Variants in PIWIL2 observed in about 807,000 individuals in gnomAD.
PIWIL2 encodes the protein piwi-like protein 2.
Under a neutral mutation model 116.5 loss-of-function variants are expected in PIWIL2, and 81 were observed. That is an observed-to-expected ratio of 0.70 (90% CI 0.58 to 0.84). The LOEUF is 0.84. PIWIL2 is among the 40% of genes least tolerant of loss of function. The pLI, the probability that PIWIL2 is intolerant of heterozygous loss-of-function variation, is 0.00. For missense variants in PIWIL2, 1,272 were observed against 1,212.3 expected, an observed-to-expected ratio of 1.05 and a Z score of -0.73; for synonymous variants, 489 against 429.5, an observed-to-expected ratio of 1.14 and a Z score of -1.71.
At chr8:22,318,016 C>T (rs1318856257) in intron 19 of PIWIL2, among the ~76,000 whole-genome samples, 154 bp from the exon 20 acceptor site, 1 of 152,170 alleles carries the variant, frequency 6.6e-6, no homozygotes, top group Non-Finnish European at 1.5e-5. Flanking sequence ...TTCTCCATGT[C>T]ACTGCTTGTT....
In PIWIL2 at chr8:22,311,288, G is replaced by T. The variant is rs763948106; in HGVS notation, c.1977G>T (p.Thr659=). Residue 659 remains threonine (T), a synonymous_variant, in exon 16 of 23, where the codon ACG becomes ACT. Coordinates refer to ENST00000356766, the MANE Select transcript of PIWIL2 (RefSeq NM_018068.5). Reference sequence around the variant, plus strand: ...CTTATGTCAGAACCATTCAATCCACGTTAGGAGCTGAGGTAAAAATGTAAT... The same window carrying T: ...CTTATGTCAGAACCATTCAATCCACTTTAGGAGCTGAGGTAAAAATGTAAT... ...IETYVRTIQS[T]LGAEGKIQMV... 1 of 1,603,900 alleles carries T rather than the reference G, an allele frequency of 6.2e-7. No individual in the cohort carries two copies. Among genetic ancestry groups the T allele is most frequent in the Non-Finnish European group, 8.5e-7 (1 of 1,176,314 alleles).
chr8:22,295,116 T>C (rs531214033), intron 10 of PIWIL2, among the ~76,000 whole-genome samples: 2 of 152,026 alleles, frequency 1.3e-5, no homozygotes, highest in African/African-American at 2.4e-5. Flanking sequence ...TCCACAGTTA[T>C]CTTGGATTTT....
intron 20 of PIWIL2, among the ~76,000 whole-genome samples, chr8:22,341,977 TAAAAA>T (rs530423710): frequency 3.3e-5 from 4 of 121,566 alleles, no homozygotes; most frequent in African/African-American, 5.9e-5. Flanking sequence ...TCTATTGCTG[TAAAAA>T]AAAAAAAAAA....
At chr8:22,286,097 A>G (rs1311432907) in intron 6 of PIWIL2, among the ~76,000 whole-genome samples, 1 of 152,256 alleles carries the variant, frequency 6.6e-6, no homozygotes, top group African/African-American at 2.4e-5. Flanking sequence ...TATGTTATAA[A>G]GACCAAAGGA....
rs147341737 is a variant in PIWIL2 at position 22,352,675 on chromosome 8, T to G, written c.2404-284T>G. The G allele has an allele frequency of 2.3e-4, 76 of 328,588 alleles. No individual in the cohort carries two copies. In the East Asian group the frequency reaches 3.3e-3, roughly 14 times the overall value. The allele number at this position is 328,588 out of a possible 1,614,324, so 20.4% of individuals were successfully genotyped here. A position where few individuals can be genotyped will look rare whatever the true frequency, so the allele number is the denominator to read the frequency against. On this transcript the variant is annotated intron_variant, in intron 20 of 22. Coordinates refer to ENST00000356766, the MANE Select transcript of PIWIL2 (RefSeq NM_018068.5). ...TTCCCAGCATTCCTTTGAACTTTGT[T>G]TGCATTGTTTGTGGATAAGCCGTAT...
intron 1 of PIWIL2, among the ~76,000 whole-genome samples, chr8:22,277,622 G>A (rs907501810): frequency 9.2e-5 from 14 of 151,984 alleles, no homozygotes; most frequent in African/African-American, 3.1e-4. Flanking sequence ...CCTCCCACCT[G>A]GGCCTCCCAG....
At chr8:22,303,921 T>A in intron 10 of PIWIL2, 100 bp from the exon 11 acceptor site, 1 of 707,660 alleles carries the variant, frequency 1.4e-6, no homozygotes, top group Non-Finnish European at 2.3e-6. Flanking sequence ...TCTGGTGCTA[T>A]ATAGCTGTGA....
Position 22,301,238 on chromosome 8 carries a change from C to G in PIWIL2, c.1182-2783C>G, listed in dbSNP as rs148668505. ...GGCTCAAGTGATCCTCCTAAAGTGCCGGGATTACAGATGTGAGCCATCACA... is the reference window on the plus strand; with the variant it reads ...GGCTCAAGTGATCCTCCTAAAGTGCGGGGATTACAGATGTGAGCCATCACA... On this transcript the variant is annotated intron_variant, in intron 10 of 22. Transcript: ENST00000356766. Among the ~76,000 whole-genome samples the G allele has an allele frequency of 2.7e-3, 407 of 152,154 alleles. 1 individual carries two copies. The highest frequency in any genetic ancestry group is 9.4e-3 in the African/African-American group (390 of 41,536).
intron 20 of PIWIL2, among the ~76,000 whole-genome samples, chr8:22,345,131 T>A (rs959964079): frequency 1.3e-5 from 2 of 152,130 alleles, no homozygotes; most frequent in African/African-American, 4.8e-5. Context: ...TGTGTGAGGA[T>A]CACACCTGTG....
chr8:22,307,485 T>A (rs1831212906), intron 13 of PIWIL2, among the ~76,000 whole-genome samples: 1 of 145,880 alleles, frequency 6.9e-6, no homozygotes. Context: ...TTTTTTTTTT[T>A]TTTTTTTTTT....
At chr8:22,318,540 A>G (rs1335861569) in intron 20 of PIWIL2, among the ~76,000 whole-genome samples, 1 of 151,606 alleles carries the variant, frequency 6.6e-6, no homozygotes, top group African/African-American at 2.4e-5. Flanking sequence ...CTGGTTTCGA[A>G]CTCCTGACCT....
chr8:22,301,593 C>G (rs983881367), intron 10 of PIWIL2, among the ~76,000 whole-genome samples: 6 of 152,168 alleles, frequency 3.9e-5, no homozygotes, highest in African/African-American at 1.2e-4. Context: ...CATGCCCGGC[C>G]CAGTGGTCTC....
At chr8:22,315,287 C>CT in intron 18 of PIWIL2, 142 bp downstream of exon 18, 1 of 588,044 alleles carries the variant, frequency 1.7e-6, no homozygotes, top group East Asian at 2.8e-5. Context: ...AGCCCATTAT[C>CT]TAAGAATGGG....
intron 20 of PIWIL2, among the ~76,000 whole-genome samples, chr8:22,326,498 C>T (rs1831727791): frequency 6.6e-6 from 1 of 152,190 alleles, no homozygotes; most frequent in African/African-American, 2.4e-5. Flanking sequence ...AATAATCATT[C>T]CTTATTCACA....
At chr8:22,323,860 C>A (rs1314816263) in intron 20 of PIWIL2, among the ~76,000 whole-genome samples, 1 of 152,194 alleles carries the variant, frequency 6.6e-6, no homozygotes, top group Non-Finnish European at 1.5e-5. Context: ...TTTTCAAAAG[C>A]AGGAGTCCTC....
At chr8:22,310,489 T>G (rs1831301933) in intron 15 of PIWIL2, among the ~76,000 whole-genome samples, 1 of 152,198 alleles carries the variant, frequency 6.6e-6, no homozygotes, top group Non-Finnish European at 1.5e-5. Flanking sequence ...ATATAATTAC[T>G]TCTCAGTGTT....
chr8:22,318,506 T>C (rs949752185), intron 20 of PIWIL2, among the ~76,000 whole-genome samples: 5 of 152,070 alleles, frequency 3.3e-5, no homozygotes, highest in African/African-American at 7.2e-5. Context: ...TTAGTAGAGA[T>C]GTGGTTTCAC....
chr8:22,314,385 G>A lies in PIWIL2; in HGVS notation c.2047G>A (p.Ala683Thr), dbSNP rs1339036294. ...GGGCCCACGTGATGATCTCTATGGG[G>A]CCATCAAGAAGCTGTGCTGTGTGCA... Reference protein sequence around the residue: ...IMGPRDDLYGAIKKLCCVQSP... With the variant: ...IMGPRDDLYGTIKKLCCVQSP... The change falls in exon 17 of 23, where the codon GCC becomes ACC. Residue 683 changes from alanine (A) to threonine (T), a missense_variant. Ala to Thr is a moderately conservative substitution (Grantham distance 58). Transcript: ENST00000356766. 6.3e-7 allele frequency: 1 copy of A among 1,588,126 alleles called. No homozygotes were observed. The highest frequency in any genetic ancestry group is 8.6e-7 in the Non-Finnish European group (1 of 1,165,766).
chr8:22,335,068 A>AG (rs1190671911), intron 20 of PIWIL2, among the ~76,000 whole-genome samples: 1 of 132,710 alleles, frequency 7.5e-6, no homozygotes, highest in Non-Finnish European at 1.7e-5. Flanking sequence ...AAAAAAAAAA[A>AG]AAAAGTCAAT....
Sources: allele counts gnomAD v4.1 joint callset (sites outside exome capture counted in the v4.1 genomes callset), GRCh38; gene constraint gnomAD v4.1.1; transcripts MANE v1.5; gene names NCBI Gene and HGNC (gene_info 2026-07-23, HGNC 2026-07-21).